Variants in CSMD1 observed in about 807,000 individuals in gnomAD.
The protein encoded by CSMD1 is CUB and sushi domain-containing protein 1.
Under a neutral mutation model 417.5 loss-of-function variants are expected in CSMD1, and 213 were observed. The ratio of observed to expected loss-of-function variants is 0.51; its 90% confidence interval spans 0.46 to 0.57. The LOEUF (loss-of-function observed/expected upper bound fraction) is 0.57. Among genes scored for constraint, CSMD1 ranks in the 20% least tolerant of loss-of-function variants. The pLI is 0.00. For synonymous variants in CSMD1, 2,862 were observed against 1,736.8 expected (o/e 1.65, Z -16.11); for missense variants, 6,923 against 4,529.7 (o/e 1.53, Z -15.17).
intron 2 of CSMD1, among the ~76,000 whole-genome samples, chr8:4,540,747 G>A (rs1246454482): frequency 2.0e-5 from 3 of 152,044 alleles, no homozygotes; most frequent in Non-Finnish European, 2.9e-5. Context: ...AGGTACTAAG[G>A]GCTGTCCACT....
rs549653105 is a variant in CSMD1, at chr8:4,628,767, C to T, written c.302+8575G>A. ...GGTGAGTTAGATACCCTTGGAGGAG[C>T]TTCCCACAGCCTCTACTGAAATCAC... is the stretch of plus-strand genomic sequence containing the variant. On this transcript the variant is annotated intron_variant, in intron 2 of 69. Transcript: ENST00000635120. Among the ~76,000 whole-genome samples the T allele has an allele frequency of 1.9e-4, 29 of 152,210 alleles. No homozygotes were observed. The South Asian group carries it at 5.8e-3, about 30-fold the overall frequency.
At chr8:4,965,508 A>G (rs1278408309) in intron 1 of CSMD1, among the ~76,000 whole-genome samples, 13 of 152,326 alleles carry the variant, frequency 8.5e-5, no homozygotes, top group East Asian at 5.8e-4. Context: ...TCTCTGCTTC[A>G]CTTCGCAATG....
At chr8:3,659,813 T>A (rs1018748647) in intron 7 of CSMD1, among the ~76,000 whole-genome samples, 3 of 152,158 alleles carry the variant, frequency 2.0e-5, no homozygotes, top group African/African-American at 7.2e-5. Flanking sequence ...GTAAAACCAT[T>A]CGGCATAAAA....
intron 5 of CSMD1, among the ~76,000 whole-genome samples, chr8:3,763,646 T>A (rs899139240): frequency 6.6e-6 from 1 of 152,150 alleles, no homozygotes; most frequent in Admixed American, 6.5e-5. Flanking sequence ...TCTCAAGTAT[T>A]CCTATATAGC....
intron 7 of CSMD1, among the ~76,000 whole-genome samples, chr8:3,662,589 G>T (rs998980080): frequency 3.3e-5 from 5 of 152,128 alleles, no homozygotes; most frequent in Admixed American, 6.6e-5. Context: ...TGGTGTTTCT[G>T]GTTCTACATC....
chr8:3,553,666 T>C (rs1799016108), intron 10 of CSMD1, among the ~76,000 whole-genome samples: 1 of 152,200 alleles, frequency 6.6e-6, no homozygotes, highest in African/African-American at 2.4e-5. Context: ...CTTTGTTAAC[T>C]TGGGATAGGG....
At chr8:3,102,031 A>T (rs1815793483) in intron 46 of CSMD1, among the ~76,000 whole-genome samples, 1 of 151,910 alleles carries the variant, frequency 6.6e-6, no homozygotes, top group Non-Finnish European at 1.5e-5. Context: ...CGAACTCCTG[A>T]CCTCAGGTGA....
chr8:3,063,926 G>C (rs940620977), intron 49 of CSMD1, among the ~76,000 whole-genome samples: 1 of 152,126 alleles, frequency 6.6e-6, no homozygotes. Context: ...CCTTGTTAAT[G>C]TACTTAACAC....
intron 1 of CSMD1, among the ~76,000 whole-genome samples, chr8:4,823,897 C>T (rs1799660080): frequency 6.6e-6 from 1 of 151,942 alleles, no homozygotes; most frequent in Non-Finnish European, 1.5e-5. Flanking sequence ...GAGAGAAATA[C>T]TCTTAACAAG....
chr8:4,060,345 T>G (rs942072746), intron 3 of CSMD1, among the ~76,000 whole-genome samples: 29 of 152,180 alleles, frequency 1.9e-4, no homozygotes, highest in Admixed American at 1.2e-3. Context: ...TCATACTGAA[T>G]GGGCCAAAAC....
At chr8:3,638,514 T>C (rs1487502178) in intron 7 of CSMD1, among the ~76,000 whole-genome samples, 1 of 151,868 alleles carries the variant, frequency 6.6e-6, no homozygotes, top group Non-Finnish European at 1.5e-5. Context: ...GATTCCTAAA[T>C]ATATTTGGTA....
At chr8:3,844,549 A>G (rs1003052945) in intron 5 of CSMD1, among the ~76,000 whole-genome samples, 1 of 152,160 alleles carries the variant, frequency 6.6e-6, no homozygotes, top group African/African-American at 2.4e-5. Context: ...AGAGGGAAAA[A>G]TTGGATTTTT....
At chr8:4,657,149 C>G (rs1290971565) in intron 1 of CSMD1, among the ~76,000 whole-genome samples, 1 of 152,158 alleles carries the variant, frequency 6.6e-6, no homozygotes, top group Admixed American at 6.5e-5. Flanking sequence ...GTGGGAAACT[C>G]AGAAACTCAC....
chr8:4,215,442 T>A (rs892875904), intron 3 of CSMD1, among the ~76,000 whole-genome samples: 2 of 152,074 alleles, frequency 1.3e-5, no homozygotes, highest in Non-Finnish European at 2.9e-5. Context: ...AAAGACTCAA[T>A]GCTTCCTGAA....
chr8:3,520,121 C>G (rs1158629621), intron 10 of CSMD1, among the ~76,000 whole-genome samples: 1 of 151,190 alleles, frequency 6.6e-6, no homozygotes, highest in Admixed American at 6.6e-5. Context: ...CTTACAGGCA[C>G]AGAGAAATAA....
intron 23 of CSMD1, among the ~76,000 whole-genome samples, chr8:3,318,860 C>T (rs141525867): frequency 0.012 from 1,759 of 152,228 alleles, 14 homozygotes; most frequent in Non-Finnish European, 0.018. Context: ...CCTGTGCTTT[C>T]CACGGGGCAG....
rs370543340 is a variant in CSMD1, at chr8:4,104,597, G to A, written c.416-72498C>T. Among the ~76,000 whole-genome samples, 165 of 152,076 alleles carry A rather than the reference G, an allele frequency of 1.1e-3. 3 individuals carry two copies. In the South Asian group the frequency reaches 0.034, roughly 31 times the overall value. Reference sequence around the variant, plus strand: ...AATAAATGAATTAATAATTGCATGAGAACGGTCTGAATTAGAGTGTCTGGA... The same window carrying A: ...AATAAATGAATTAATAATTGCATGAAAACGGTCTGAATTAGAGTGTCTGGA... On this transcript the variant is annotated intron_variant, in intron 3 of 69. Transcript: ENST00000635120.
At chr8:4,311,089 G>A (rs1798536801) in intron 3 of CSMD1, among the ~76,000 whole-genome samples, 1 of 152,114 alleles carries the variant, frequency 6.6e-6, no homozygotes, top group African/African-American at 2.4e-5. Flanking sequence ...AAAGCAATGT[G>A]GCATATCTTC....
chr8:3,326,495 T>C (rs190923561), intron 23 of CSMD1, among the ~76,000 whole-genome samples: 2 of 152,330 alleles, frequency 1.3e-5, no homozygotes, highest in Non-Finnish European at 2.9e-5. Flanking sequence ...AAACTTGCCC[T>C]CTCCTGAATG....
Sources: gnomAD v4.1 joint callset for allele counts (sites outside exome capture counted in the v4.1 genomes callset) on GRCh38, gnomAD v4.1.1 for gene constraint, MANE v1.5 for transcripts, NCBI Gene and HGNC (gene_info 2026-07-23, HGNC 2026-07-21) for gene names.